CYFIP1: variants seen among roughly 807,000 people sequenced by gnomAD.
The protein encoded by CYFIP1 is cytoplasmic FMR1-interacting protein 1.
In CYFIP1, 58 loss-of-function variants were observed where a neutral mutation model predicts 163.5. The observed-to-expected ratio is 0.35, with a 90% confidence interval of 0.29 to 0.44. CYFIP1 has a LOEUF of 0.44. CYFIP1 is among the 20% of genes least tolerant of loss of function. The probability of loss-of-function intolerance (pLI) is 1.00; values close to 1 mark genes in which losing one functional copy is unlikely to be tolerated. For missense variants in CYFIP1, 1,338 were observed against 1,653.8 expected, an observed-to-expected ratio of 0.81 and a Z score of 3.31; for synonymous variants, 663 against 660.7, an observed-to-expected ratio of 1.00 and a Z score of -0.05.
chr15:22,917,050 G>A lies in CYFIP1; in HGVS notation c.1675-420C>T. 6.6e-7 allele frequency: 1 copy of A among 1,519,926 alleles called. No homozygotes were observed. Among genetic ancestry groups the A allele is most frequent in the Non-Finnish European group, 8.8e-7 (1 of 1,132,754 alleles). The allele number at this position is 1,519,926 out of a possible 1,614,324, so 94.2% of individuals were successfully genotyped here. On this transcript the variant is annotated intron_variant, in intron 15 of 30. Coordinates refer to ENST00000617928, the MANE Select transcript of CYFIP1 (RefSeq NM_014608.6). This position sits in a 1 kb window ranked among gnomAD's most constrained non-coding sequence, Gnocchi z 4.2. ...TAGAGCTAGACACGGACAGACAGGA[G>A]GGAGAGGCAGGAGAGAGACGTTAGT...
intron 9 of CYFIP1, 71 bp from the exon 10 acceptor site, chr15:22,933,964 C>A: frequency 9.6e-7 from 1 of 1,038,346 alleles, no homozygotes; most frequent in Non-Finnish European, 1.4e-6. Flanking sequence ...CACAAGGAAA[C>A]TGACTAATGC....
chr15:22,950,026 A>G (rs952829933), intron 1 of CYFIP1, among the ~76,000 whole-genome samples: 3 of 152,204 alleles, frequency 2.0e-5, no homozygotes, highest in Admixed American at 6.5e-5. Flanking sequence ...TAGATAACAT[A>G]TAATTTAGAA....
chr15:22,928,565 C>T (rs548510306), intron 11 of CYFIP1, among the ~76,000 whole-genome samples: 3 of 152,066 alleles, frequency 2.0e-5, no homozygotes, highest in Admixed American at 6.6e-5. Flanking sequence ...GCGGGCTGGG[C>T]GCGGGGCTGT....
chr15:22,904,885 G>A (rs907099611), intron 21 of CYFIP1: 2 of 152,188 alleles, frequency 1.3e-5, no homozygotes, highest in African/African-American at 2.4e-5. Context: ...GACACGCACT[G>A]TGCCCGCCAG....
rs2061000438 is a variant in CYFIP1, at chr15:22,916,780, G to A, written c.1675-150C>T. On this transcript the variant is annotated intron_variant, in intron 15 of 30. Transcript: ENST00000617928. ...AGCTCCCCGAGGGGTCCGGGTGCCT[G>A]TCTACGCGGCCACGTTGCTGCTGCT... 4 of 1,594,368 alleles carry A rather than the reference G, an allele frequency of 2.5e-6. No homozygotes were observed. The South Asian group carries it at 4.5e-5, about 18-fold the overall frequency.
chr15:22,870,378 A>G (rs1248453235), intron 30 of CYFIP1, among the ~76,000 whole-genome samples, 186 bp from the exon 31 acceptor site: 4 of 151,890 alleles, frequency 2.6e-5, no homozygotes, highest in Non-Finnish European at 5.9e-5. Context: ...GCTGGAGTGC[A>G]GTGGCATGAT....
At chr15:22,919,367 C>G (rs1266973693) in intron 13 of CYFIP1, among the ~76,000 whole-genome samples, 1 of 152,198 alleles carries the variant, frequency 6.6e-6, no homozygotes, top group East Asian at 1.9e-4. Context: ...TCATTATTTC[C>G]CTGTTTCCAG....
chr15:22,933,923 A>G (rs1461186769), intron 9 of CYFIP1, 30 bp from the exon 10 acceptor site: 14 of 1,511,556 alleles, frequency 9.3e-6, no homozygotes, highest in Non-Finnish European at 1.3e-5. Context: ...AAATAGAGTC[A>G]TTATGTATAT....
chr15:22,933,782 C>G lies in CYFIP1; in HGVS notation c.992+20G>C. ...GACACTGCCGAAAGCTCAAACCAGGCAGCTTTCCTCTCCTCCTACCGAGAT... is the reference window on the plus strand; with the variant it reads ...GACACTGCCGAAAGCTCAAACCAGGGAGCTTTCCTCTCCTCCTACCGAGAT... On this transcript the variant is annotated intron_variant, in intron 10 of 30. Coordinates refer to ENST00000617928, the MANE Select transcript of CYFIP1 (RefSeq NM_014608.6). 6.3e-7 allele frequency: 1 copy of G among 1,585,352 alleles called. No homozygotes were observed. Among genetic ancestry groups the G allele is most frequent in the South Asian group, 1.1e-5 (1 of 89,334 alleles).
At chr15:22,927,156 G>A (rs2061380384) in intron 12 of CYFIP1, among the ~76,000 whole-genome samples, 1 of 152,028 alleles carries the variant, frequency 6.6e-6, no homozygotes, top group South Asian at 2.1e-4. Flanking sequence ...GGCCCACACG[G>A]CGAGACTGTC....
At chr15:22,963,393 G>A (rs556708390) in intron 1 of CYFIP1, among the ~76,000 whole-genome samples, 9 of 152,198 alleles carry the variant, frequency 5.9e-5, no homozygotes, top group Non-Finnish European at 1.0e-4. Flanking sequence ...AAGAGGCTGA[G>A]GCAGGAGAAT....
At position 22,947,066 on chromosome 15, in the gene CYFIP1, G is replaced by C; in HGVS notation, c.144C>G (p.Asp48Glu). The change falls in exon 3 of 31, where the codon GAC (aspartate) becomes GAG (glutamate). Residue 48 changes from aspartate (D) to glutamate (E), a missense_variant. Transcript: ENST00000617928. ...CGATGCCAGTAACAAATGCATTTCT[G>C]TCTTCAAAGTTAGTGTTGAAATTTG... The part of the protein sequence containing the change: ...YQPNFNTNFE[D>E]RNAFVTGIAR... 1 of 1,614,116 alleles carries C rather than the reference G, an allele frequency of 6.2e-7. No homozygotes were observed. Among genetic ancestry groups the C allele is most frequent in the Non-Finnish European group, 8.5e-7 (1 of 1,179,980 alleles).
chr15:22,946,046 G>A (rs1415166124), intron 3 of CYFIP1, among the ~76,000 whole-genome samples: 2 of 152,170 alleles, frequency 1.3e-5, no homozygotes, highest in African/African-American at 4.8e-5. Context: ...GGCTCAGGCT[G>A]TAATCCCAGT....
chr15:22,954,117 G>A (rs1182953475), intron 1 of CYFIP1, among the ~76,000 whole-genome samples: 1 of 152,200 alleles, frequency 6.6e-6, no homozygotes, highest in East Asian at 1.9e-4. Context: ...CCTTCAGCTC[G>A]TGTGGACAGG....
intron 6 of CYFIP1, among the ~76,000 whole-genome samples, chr15:22,939,820 C>T (rs2061839905): frequency 6.6e-6 from 1 of 152,118 alleles, no homozygotes; most frequent in Non-Finnish European, 1.5e-5. Flanking sequence ...TGGTGGACGC[C>T]CACCTCATCT....
chr15:22,927,847 T>G, intron 12 of CYFIP1, 59 bp downstream of exon 12: 1 of 1,513,770 alleles, frequency 6.6e-7, no homozygotes, highest in Non-Finnish European at 8.8e-7. Flanking sequence ...CAAAAGTTAA[T>G]GTGAATAAAG....
rs1295698718 is a variant in CYFIP1 at position 22,867,552 on chromosome 15, A to G, written c.*2476T>C. On this transcript the variant is annotated 3_prime_UTR_variant, in exon 31 of 31. Coordinates refer to ENST00000617928, the MANE Select transcript of CYFIP1 (RefSeq NM_014608.6). ...CTGGGTTTATTCTTCAGTTACCCTAATCCCATGATGCCTGGAACCTTGATT... is the reference window on the plus strand; with the variant it reads ...CTGGGTTTATTCTTCAGTTACCCTAGTCCCATGATGCCTGGAACCTTGATT... 9.2e-6 allele frequency: 2 copies of G among 216,944 alleles called. No homozygotes were observed. The highest frequency in any genetic ancestry group is 1.8e-5 in the Non-Finnish European group (2 of 111,738). The allele number at this position is 216,944 out of a possible 1,614,324, so 13.4% of individuals were successfully genotyped here. A position where few individuals can be genotyped will look rare whatever the true frequency, so the allele number is the denominator to read the frequency against.
At chr15:22,928,495 G>T (rs2061430361) in intron 11 of CYFIP1, among the ~76,000 whole-genome samples, 1 of 152,206 alleles carries the variant, frequency 6.6e-6, no homozygotes, top group Admixed American at 6.5e-5. Flanking sequence ...GCGGCCAAGG[G>T]CGTGCTGCAG....
intron 1 of CYFIP1, among the ~76,000 whole-genome samples, chr15:22,979,913 A>G (rs1292530944): frequency 6.6e-6 from 1 of 152,158 alleles, no homozygotes; most frequent in Admixed American, 6.5e-5. Flanking sequence ...ACACTAAGGT[A>G]TTCCTTCGCC....
Sources: gnomAD v4.1 joint callset for allele counts (sites outside exome capture counted in the v4.1 genomes callset) on GRCh38, gnomAD v4.1.1 for gene constraint, Gnocchi (gnomAD v3.1) non-coding constraint, MANE v1.5 for transcripts, NCBI Gene and HGNC (gene_info 2026-07-23, HGNC 2026-07-21) for gene names.